SYT1: variants seen among roughly 807,000 people sequenced by gnomAD.
SYT1 encodes the protein synaptotagmin 1.
A neutral mutation model predicts 44.8 loss-of-function variants in SYT1; 8 were observed. The ratio of observed to expected loss-of-function variants is 0.18; its 90% CI spans 0.10 to 0.32. SYT1 has a LOEUF of 0.32. Ranked by LOEUF, SYT1 falls within the 10% of genes least tolerant of loss-of-function variation. The probability of loss-of-function intolerance (pLI) is 1.00; values close to 1 mark genes in which losing one functional copy is unlikely to be tolerated. For missense variants in SYT1, 286 were observed against 509.3 expected (o/e 0.56, Z 4.22); for synonymous variants, 154 against 188.8 (o/e 0.82, Z 1.51).
chr12:78,924,561 A>G (rs1358021864), intron 1 of SYT1, among the ~76,000 whole-genome samples: 3 of 150,054 alleles, frequency 2.0e-5, no homozygotes, highest in African/African-American at 7.3e-5. Flanking sequence ...TGGTAGACAT[A>G]TATTATTCAA....
At chr12:79,123,916 T>TTAA (rs1868328251) in intron 3 of SYT1, among the ~76,000 whole-genome samples, 1 of 152,232 alleles carries the variant, frequency 6.6e-6, no homozygotes, top group African/African-American at 2.4e-5. Context: ...TTAAAGACTC[T>TTAA]TTAATGCCAA....
chr12:79,040,373 G>A (rs922569998), intron 2 of SYT1, among the ~76,000 whole-genome samples: 13 of 152,208 alleles, frequency 8.5e-5, no homozygotes, highest in Non-Finnish European at 1.6e-4. Context: ...CTGATGGCCA[G>A]TGATGATGAG....
In SYT1 at chr12:78,917,621, C is replaced by CA. The variant is rs201441274; in HGVS notation, c.-217+52525dup. On this transcript the variant is annotated intron_variant, in intron 1 of 10. Coordinates refer to ENST00000261205, the MANE Select transcript of SYT1 (RefSeq NM_005639.3). ...AACTTAAAGTATAATAAAAAAATTT[C>CA]AAAAAAAAAAAAAGGAAAACCAATT... is the stretch of plus-strand genomic sequence containing the variant. Among the ~76,000 whole-genome samples the CA allele has an allele frequency of 6.5e-3, 848 of 131,256 alleles. 12 individuals are homozygous for CA. Among genetic ancestry groups the CA allele is most frequent in the African/African-American group, 0.021 (736 of 35,766 alleles). 86.1% of individuals were successfully genotyped at this position (131,256 alleles called of 152,430 possible).
At chr12:79,046,350 C>T (rs978145935) in intron 2 of SYT1, 1 of 152,146 alleles carries the variant, frequency 6.6e-6, no homozygotes, top group Admixed American at 6.5e-5. Flanking sequence ...AACAGAGTAA[C>T]ATACTTATTA....
chr12:79,237,700 C>A (rs1378912895), intron 4 of SYT1, among the ~76,000 whole-genome samples: 1 of 152,082 alleles, frequency 6.6e-6, no homozygotes, highest in African/African-American at 2.4e-5. Context: ...AGGCAATCTA[C>A]CCTTATAGTG....
chr12:79,054,910 T>C (rs1874817931), intron 3 of SYT1, among the ~76,000 whole-genome samples: 2 of 151,940 alleles, frequency 1.3e-5, no homozygotes, highest in East Asian at 1.9e-4. Flanking sequence ...GTAAAATGGG[T>C]TTCCCACAAT....
At position 78,919,298 on chromosome 12, in the gene SYT1, G is replaced by A. The variant is rs144425404; in HGVS notation, c.-217+54189G>A. Reference sequence around the variant, plus strand: ...AATGATGGGTTAGAAGGCTATTAAAGAACTCCTAGAATCTGCTGGGTGGCT... The same window carrying A: ...AATGATGGGTTAGAAGGCTATTAAAAAACTCCTAGAATCTGCTGGGTGGCT... On this transcript the variant is annotated intron_variant, in intron 1 of 10. Coordinates refer to ENST00000261205, the MANE Select transcript of SYT1 (RefSeq NM_005639.3). Among the ~76,000 whole-genome samples the A allele has an allele frequency of 1.2e-4, 18 of 152,124 alleles. No individual in the cohort carries two copies. In the East Asian group the frequency reaches 3.3e-3, roughly 28 times the overall value.
At chr12:79,382,634 A>C (rs1385737239) in intron 9 of SYT1, among the ~76,000 whole-genome samples, 1 of 152,200 alleles carries the variant, frequency 6.6e-6, no homozygotes, top group Admixed American at 6.5e-5. Flanking sequence ...GATAGTGTAC[A>C]CGTACTGCCC....
At chr12:78,927,298 G>C (rs1877356863) in intron 1 of SYT1, among the ~76,000 whole-genome samples, 1 of 152,240 alleles carries the variant, frequency 6.6e-6, no homozygotes, top group Non-Finnish European at 1.5e-5. Flanking sequence ...TCACCAGGAT[G>C]TGCATGAAAT....
At chr12:78,959,661 AAAC>A (rs1389665070) in intron 1 of SYT1, among the ~76,000 whole-genome samples, 14 of 152,196 alleles carry the variant, frequency 9.2e-5, no homozygotes, top group African/African-American at 3.4e-4. Flanking sequence ...CTCTTATTAC[AAAC>A]AACAGCTGTC....
At chr12:79,398,706 G>A (rs891809671) in intron 9 of SYT1, among the ~76,000 whole-genome samples, 1 of 152,072 alleles carries the variant, frequency 6.6e-6, no homozygotes, top group African/African-American at 2.4e-5. Flanking sequence ...CAAAACATTT[G>A]CAAATAGGAT....
In SYT1 at chr12:79,123,710, G is replaced by T. The variant is rs888628381; in HGVS notation, c.-18+76348G>T. ...CTTAATTGCCAGCAGGTGTCTAAAG[G>T]TTCTGTTTTCCATTTTCTGGTGTTA... On this transcript the variant is annotated intron_variant, in intron 3 of 10. Transcript: ENST00000261205. 7.2e-5 allele frequency among the ~76,000 whole-genome samples: 11 copies of T among 152,218 alleles called. No homozygotes were observed. In the South Asian group the frequency reaches 2.3e-3, roughly 32 times the overall value.
chr12:79,180,981 G>A (rs1024324085), intron 3 of SYT1, among the ~76,000 whole-genome samples: 2 of 152,030 alleles, frequency 1.3e-5, no homozygotes, highest in Non-Finnish European at 2.9e-5. Flanking sequence ...GGTTTTATAA[G>A]GTGATTTTCC....
chr12:79,036,155 A>G (rs1011710005), intron 2 of SYT1, among the ~76,000 whole-genome samples: 2 of 151,920 alleles, frequency 1.3e-5, no homozygotes, highest in South Asian at 2.1e-4. Context: ...AGGGAAGCAC[A>G]AATATATAGT....
At chr12:79,100,260 A>C (rs1878371133) in intron 3 of SYT1, among the ~76,000 whole-genome samples, 2 of 152,146 alleles carry the variant, frequency 1.3e-5, no homozygotes, top group African/African-American at 4.8e-5. Flanking sequence ...TAATTTGAAT[A>C]AATTGCCTGA....
intron 3 of SYT1, among the ~76,000 whole-genome samples, chr12:79,117,509 G>A (rs1042951849): frequency 6.6e-6 from 1 of 150,614 alleles, no homozygotes; most frequent in Non-Finnish European, 1.5e-5. Context: ...TGTGAGCATG[G>A]GTGTGCTCAA....
At position 79,017,152 on chromosome 12, in the gene SYT1, G is replaced by T. The variant is rs530669837; in HGVS notation, c.-83-30145G>T. On this transcript the variant is annotated intron_variant, in intron 2 of 10. Coordinates refer to ENST00000261205, the MANE Select transcript of SYT1 (RefSeq NM_005639.3). The stretch of plus-strand genomic sequence containing the variant: ...AAGTCAGCTACCTGAGAACTGGGAA[G>T]TTCTCTGCTTTATGATAGGTAGATA... 2.0e-5 allele frequency among the ~76,000 whole-genome samples: 3 copies of T among 152,248 alleles called. No individual in the cohort carries two copies. The East Asian group carries it at 5.8e-4, about 29-fold the overall frequency.
intron 3 of SYT1, among the ~76,000 whole-genome samples, chr12:79,104,221 TAC>T (rs1230326555): frequency 2.0e-5 from 3 of 151,400 alleles, no homozygotes; most frequent in Admixed American, 6.6e-5. Flanking sequence ...TCCTTCAAAA[TAC>T]AGAGTTCTTT....
chr12:79,031,316 T>C (rs1215062299), intron 2 of SYT1, among the ~76,000 whole-genome samples: 1 of 151,094 alleles, frequency 6.6e-6, no homozygotes, highest in Non-Finnish European at 1.5e-5. Flanking sequence ...ATACTTCTGA[T>C]ATTCCCTTTT....
Sources: allele counts gnomAD v4.1 joint callset (sites outside exome capture counted in the v4.1 genomes callset), GRCh38; gene constraint gnomAD v4.1.1; transcripts MANE v1.5; gene names NCBI Gene and HGNC (gene_info 2026-07-23, HGNC 2026-07-21).